MALRD1: variants seen among roughly 807,000 people sequenced by gnomAD.
MALRD1 encodes MAM and LDL receptor class A domain containing 1, also known as MAM and LDL-receptor class A domain-containing protein 1.
Under a neutral mutation model 242.1 loss-of-function variants are expected in MALRD1, and 247 were observed. The observed-to-expected ratio is 1.02, with a 90% CI of 0.92 to 1.13. The LOEUF is 1.13. Among genes scored for constraint, MALRD1 ranks in the 50% most tolerant of loss-of-function variants. The pLI is 0.00. For missense variants in MALRD1, 2,989 were observed against 2,533.1 expected, an observed-to-expected ratio of 1.18 and a Z score of -3.86; for synonymous variants, 995 against 866.6, an observed-to-expected ratio of 1.15 and a Z score of -2.60.
At chr10:19,727,099 T>C (rs998659623) in intron 38 of MALRD1, among the ~76,000 whole-genome samples, 6 of 152,196 alleles carry the variant, frequency 3.9e-5, no homozygotes, top group African/African-American at 1.2e-4. Context: ...TTATGTGATA[T>C]ATACCACTGT....
At chr10:19,414,091 T>C (rs1833404136) in intron 28 of MALRD1, among the ~76,000 whole-genome samples, 1 of 152,092 alleles carries the variant, frequency 6.6e-6, no homozygotes, top group South Asian at 2.1e-4. Flanking sequence ...GTAGATCATT[T>C]AGTAGTTTTA....
intron 24 of MALRD1, among the ~76,000 whole-genome samples, chr10:19,339,961 A>G (rs1011135372): frequency 1.2e-4 from 18 of 152,076 alleles, no homozygotes; most frequent in Non-Finnish European, 7.4e-5. Context: ...AGCAGAAGAG[A>G]GAGAACGAAG....
chr10:19,335,110 A>G (rs972533469), intron 24 of MALRD1, among the ~76,000 whole-genome samples: 2 of 151,756 alleles, frequency 1.3e-5, no homozygotes, highest in Non-Finnish European at 2.9e-5. Context: ...GGCAAAAGTA[A>G]TCATGAACCT....
At chr10:19,536,571 A>G (rs1193911414) in intron 32 of MALRD1, among the ~76,000 whole-genome samples, 1 of 151,760 alleles carries the variant, frequency 6.6e-6, no homozygotes, top group Non-Finnish European at 1.5e-5. Context: ...CTCTATATTA[A>G]ACTTCCTTTA....
At chr10:19,078,498 C>G (rs1277664761) in intron 2 of MALRD1, among the ~76,000 whole-genome samples, 1 of 151,764 alleles carries the variant, frequency 6.6e-6, no homozygotes. Context: ...CTTGTGATGT[C>G]TTTGTCTGGT....
At chr10:19,085,152 A>G (rs192953680) in intron 2 of MALRD1, among the ~76,000 whole-genome samples, 2 of 152,146 alleles carry the variant, frequency 1.3e-5, no homozygotes, top group Non-Finnish European at 2.9e-5. Context: ...CATGCAGTCT[A>G]TTCTGGCTGG....
chr10:19,369,522 A>T (rs983973452), intron 26 of MALRD1, among the ~76,000 whole-genome samples: 1 of 149,080 alleles, frequency 6.7e-6, no homozygotes, highest in Admixed American at 6.8e-5. Context: ...ATAAATTTAA[A>T]TATATGTAAA....
intron 1 of MALRD1, among the ~76,000 whole-genome samples, chr10:19,055,037 A>C (rs1265205465): frequency 2.6e-5 from 4 of 152,170 alleles, no homozygotes; most frequent in Admixed American, 2.6e-4. Context: ...GAGATCCCTT[A>C]TTTCTGTATT....
intron 32 of MALRD1, among the ~76,000 whole-genome samples, chr10:19,535,599 AAAG>A (rs1342775899): frequency 1.3e-5 from 2 of 151,440 alleles, no homozygotes; most frequent in Admixed American, 6.6e-5. Flanking sequence ...ATGACAGGGA[AAAG>A]AAAGAAATGG....
intron 28 of MALRD1, among the ~76,000 whole-genome samples, chr10:19,391,527 C>T (rs879603910): frequency 3.9e-5 from 6 of 152,154 alleles, no homozygotes; most frequent in Admixed American, 6.6e-5. Flanking sequence ...CTTTACTCTT[C>T]GTCTTTTAAG....
At chr10:19,237,590 AAT>A (rs1402949683) in intron 18 of MALRD1, among the ~76,000 whole-genome samples, 3 of 10,226 alleles carry the variant, frequency 2.9e-4, no homozygotes, top group African/African-American at 1.0e-3. Context: ...ATAATTATAT[AAT>A]TATATAATTA....
chr10:19,353,260 G>T (rs573455940), intron 26 of MALRD1, among the ~76,000 whole-genome samples: 132 of 152,172 alleles, frequency 8.7e-4, no homozygotes, highest in Non-Finnish European at 1.4e-3. Context: ...ACCTGCCTTG[G>T]CCTCCCGAAG....
At chr10:19,370,341 T>C (rs888194225) in intron 26 of MALRD1, among the ~76,000 whole-genome samples, 12 of 152,170 alleles carry the variant, frequency 7.9e-5, no homozygotes, top group Non-Finnish European at 1.6e-4. Context: ...TATTGACTTT[T>C]CCTATCCATG....
At chr10:19,683,712 A>C (rs1032717318) in intron 36 of MALRD1, among the ~76,000 whole-genome samples, 8 of 152,250 alleles carry the variant, frequency 5.3e-5, no homozygotes, top group Non-Finnish European at 1.0e-4. Flanking sequence ...ATAACAGATA[A>C]AAATTGTAAA....
intron 28 of MALRD1, among the ~76,000 whole-genome samples, chr10:19,446,262 C>T (rs1411471729): frequency 1.3e-5 from 2 of 152,150 alleles, no homozygotes; most frequent in Non-Finnish European, 2.9e-5. Context: ...CACCCTGCTT[C>T]AGCTTACACT....
chr10:19,528,797 T>C (rs1834209584), intron 31 of MALRD1, among the ~76,000 whole-genome samples: 1 of 152,094 alleles, frequency 6.6e-6, no homozygotes, highest in Admixed American at 6.5e-5. Context: ...GTGAACCAAC[T>C]GAAAATCAAC....
At chr10:19,054,452 T>C (rs184414021) in intron 1 of MALRD1, among the ~76,000 whole-genome samples, 185 of 152,314 alleles carry the variant, frequency 1.2e-3, no homozygotes, top group Non-Finnish European at 1.9e-3. Context: ...TATTTTGAAA[T>C]ATACAATACA....
intron 29 of MALRD1, among the ~76,000 whole-genome samples, chr10:19,465,408 T>C (rs1309863644): frequency 2.0e-5 from 3 of 152,238 alleles, no homozygotes; most frequent in African/African-American, 7.2e-5. Context: ...AGTATGACTT[T>C]AACATATATT....
intron 8 of MALRD1, among the ~76,000 whole-genome samples, chr10:19,129,745 A>T (rs562030992): frequency 6.7e-6 from 1 of 148,452 alleles, no homozygotes; most frequent in East Asian, 1.9e-4. Flanking sequence ...ATGTATAATT[A>T]TATGTAATAT....
Sources: allele counts gnomAD v4.1 joint callset (sites outside exome capture counted in the v4.1 genomes callset), GRCh38; gene constraint gnomAD v4.1.1; transcripts MANE v1.5; gene names NCBI Gene and HGNC (gene_info 2026-07-23, HGNC 2026-07-21).